Variants in ZNF385D observed in about 807,000 individuals in gnomAD.
The protein encoded by ZNF385D is zinc finger protein 659.
In ZNF385D, 15 loss-of-function variants were observed where a neutral mutation model predicts 35.8. That is an observed-to-expected ratio of 0.42 (90% CI 0.28 to 0.64). The LOEUF (loss-of-function observed/expected upper bound fraction) is 0.64. ZNF385D is among the 30% of genes least tolerant of loss of function. The pLI is 0.23. For missense variants in ZNF385D, 474 were observed against 494.6 expected (o/e 0.96, Z 0.39); for synonymous variants, 212 against 186.8 (o/e 1.13, Z -1.10).
intron 6 of ZNF385D, 90 bp from the exon 7 acceptor site, chr3:21,424,154 A>C: frequency 8.5e-7 from 1 of 1,181,418 alleles, no homozygotes; most frequent in Non-Finnish European, 1.2e-6. Context: ...AAAGATATTC[A>C]TTATTTCATG....
intron 2 of ZNF385D, among the ~76,000 whole-genome samples, chr3:22,240,806 A>G (rs74440633): frequency 0.028 from 4,272 of 151,136 alleles, 410 homozygotes; most frequent in African/African-American, 0.1. Context: ...ATAAACAGCT[A>G]GCACATGTGT....
rs1307168859 is a variant in ZNF385D, at chr3:21,841,913, T to C, written c.326-176885A>G. 4.0e-5 allele frequency among the ~76,000 whole-genome samples: 6 copies of C among 151,642 alleles called. No homozygotes were observed. The South Asian group carries it at 1.2e-3, about 31-fold the overall frequency. ...GTCACGCCTCAGAAATACATACATA[T>C]ATGTATATATACACATATATACATA... On this transcript the variant is annotated intron_variant, in intron 3 of 5. Transcript: ENST00000494108.
At chr3:22,348,992 C>T (rs974699071) in intron 2 of ZNF385D, among the ~76,000 whole-genome samples, 2 of 152,114 alleles carry the variant, frequency 1.3e-5, no homozygotes, top group African/African-American at 4.8e-5. Flanking sequence ...TGACTCCAAC[C>T]AGAGCATATG....
At chr3:21,474,703 T>A (rs1704119682) in intron 4 of ZNF385D, among the ~76,000 whole-genome samples, 1 of 152,132 alleles carries the variant, frequency 6.6e-6, no homozygotes, top group African/African-American at 2.4e-5. Flanking sequence ...GATACTTAAA[T>A]ATGTATCAAA....
intron 3 of ZNF385D, among the ~76,000 whole-genome samples, chr3:22,155,139 G>T (rs191997044): frequency 6.6e-6 from 1 of 152,100 alleles, no homozygotes; most frequent in African/African-American, 2.4e-5. Context: ...CACATTGTAT[G>T]AATATATAAA....
chr3:22,070,488 T>A (rs1052502302), intron 3 of ZNF385D, among the ~76,000 whole-genome samples: 1 of 152,132 alleles, frequency 6.6e-6, no homozygotes, highest in African/African-American at 2.4e-5. Context: ...ACTTGCTTCA[T>A]TATCTCAAAT....
intron 3 of ZNF385D, among the ~76,000 whole-genome samples, chr3:21,842,482 A>G (rs549247233): frequency 6.6e-6 from 1 of 152,130 alleles, no homozygotes; most frequent in Admixed American, 6.6e-5. Context: ...ATTGGTAATC[A>G]TGAAAGATGA....
At chr3:21,947,966 G>C (rs1052232909) in intron 3 of ZNF385D, among the ~76,000 whole-genome samples, 10 of 151,950 alleles carry the variant, frequency 6.6e-5, no homozygotes, top group African/African-American at 2.2e-4. Context: ...TTAGTTCTTT[G>C]TTCTGATGCC....
intron 2 of ZNF385D, among the ~76,000 whole-genome samples, chr3:22,265,259 C>A (rs563645472): frequency 2.0e-5 from 3 of 152,042 alleles, no homozygotes; most frequent in East Asian, 3.9e-4. Context: ...TTTGGAAAGA[C>A]CTCTCTGAGG....
intron 3 of ZNF385D, among the ~76,000 whole-genome samples, chr3:21,812,179 A>G (rs2072949358): frequency 6.6e-6 from 1 of 152,238 alleles, no homozygotes; most frequent in South Asian, 2.1e-4. Context: ...AAAAATAGGA[A>G]GGGGAAGATC....
intron 3 of ZNF385D, among the ~76,000 whole-genome samples, chr3:22,094,700 A>G (rs1205473161): frequency 6.6e-6 from 1 of 151,942 alleles, no homozygotes; most frequent in African/African-American, 2.4e-5. Flanking sequence ...AGTCATGAGA[A>G]TACCAGACAT....
chr3:21,457,789 T>C (rs549178522), intron 4 of ZNF385D, among the ~76,000 whole-genome samples: 6 of 152,318 alleles, frequency 3.9e-5, no homozygotes, highest in African/African-American at 1.4e-4. Context: ...TCTAAAGATG[T>C]GATTAATAAG....
At chr3:21,490,281 T>G (rs1049417187) in intron 4 of ZNF385D, among the ~76,000 whole-genome samples, 1 of 152,156 alleles carries the variant, frequency 6.6e-6, no homozygotes, top group African/African-American at 2.4e-5. Flanking sequence ...TCCTCCTACC[T>G]CAGCCTCCTG....
chr3:22,081,747 C>G (rs192661058), intron 3 of ZNF385D, among the ~76,000 whole-genome samples: 139 of 152,252 alleles, frequency 9.1e-4, no homozygotes, highest in African/African-American at 3.1e-3. Context: ...GACAAAGACT[C>G]TATTGCCCCA....
intron 4 of ZNF385D, among the ~76,000 whole-genome samples, chr3:21,450,475 G>C (rs1032247591): frequency 6.6e-6 from 1 of 152,122 alleles, no homozygotes; most frequent in African/African-American, 2.4e-5. Context: ...TCCAGAGAAG[G>C]CTAATTAAAA....
rs926191366 is a variant in ZNF385D, at chr3:21,759,333, C to G, written c.326-94305G>C. Among the ~76,000 whole-genome samples the G allele has an allele frequency of 2.0e-5, 3 of 149,448 alleles. 1 individual carries two copies. The highest frequency in any genetic ancestry group is 7.7e-5 in the African/African-American group (3 of 39,012). On this transcript the variant is annotated intron_variant, in intron 3 of 5. Transcript: ENST00000494108. ...AAGAATGGGATTGTGAATGATGTGT[C>G]TGGGAGACCAAGGACAAATTATTAT...
intron 2 of ZNF385D, among the ~76,000 whole-genome samples, chr3:22,368,644 A>G (rs1397183361): frequency 6.6e-6 from 1 of 152,152 alleles, no homozygotes; most frequent in Non-Finnish European, 1.5e-5. Flanking sequence ...TTCTTGCTGC[A>G]TCTTCACATG....
intron 2 of ZNF385D, among the ~76,000 whole-genome samples, chr3:21,607,432 A>G (rs1022103784): frequency 1.1e-4 from 16 of 152,190 alleles, no homozygotes; most frequent in Non-Finnish European, 8.8e-5. Flanking sequence ...AATCTAGACC[A>G]TTCTATATAT....
intron 3 of ZNF385D, among the ~76,000 whole-genome samples, chr3:21,993,079 T>A (rs1199523573): frequency 6.6e-6 from 1 of 152,212 alleles, no homozygotes; most frequent in Admixed American, 6.5e-5. Flanking sequence ...CTTATCAACA[T>A]GCCAGATACA....
Sources: allele counts gnomAD v4.1 joint callset (sites outside exome capture counted in the v4.1 genomes callset), GRCh38; gene constraint gnomAD v4.1.1; transcripts MANE v1.5; gene names NCBI Gene and HGNC (gene_info 2026-07-23, HGNC 2026-07-21).